IKBIP: variants seen among roughly 807,000 people sequenced by gnomAD.
IKBIP encodes IKBKB interacting protein, also known as inhibitor of nuclear factor kappa-B kinase-interacting protein.
A neutral mutation model predicts 31.0 loss-of-function variants in IKBIP; 28 were observed. The observed-to-expected ratio is 0.90, with a 90% CI of 0.67 to 1.24. The LOEUF (loss-of-function observed/expected upper bound fraction) is 1.24. Among genes scored for constraint, IKBIP ranks in the 50% most tolerant of loss-of-function variants. IKBIP has a pLI of 0.00. For synonymous variants in IKBIP, 164 were observed against 160.3 expected (o/e 1.02, Z -0.17); for missense variants, 453 against 441.9 (o/e 1.03, Z -0.23).
At chr12:98,618,922 A>G (rs1428584263) in intron 2 of IKBIP, among the ~76,000 whole-genome samples, 1 of 152,254 alleles carries the variant, frequency 6.6e-6, no homozygotes, top group African/African-American at 2.4e-5. Flanking sequence ...CAAAATAATT[A>G]TAATGAAGTA....
At chr12:98,638,425 G>A (rs1423834293) in intron 1 of IKBIP, among the ~76,000 whole-genome samples, 1 of 152,032 alleles carries the variant, frequency 6.6e-6, no homozygotes, top group Non-Finnish European at 1.5e-5. Context: ...GGGAACACAG[G>A]CGTGTGCCAT....
At chr12:98,629,197 T>G (rs1200201894) in intron 2 of IKBIP, among the ~76,000 whole-genome samples, 2 of 152,154 alleles carry the variant, frequency 1.3e-5, no homozygotes, top group Admixed American at 6.6e-5. Flanking sequence ...AATCAAGACT[T>G]AAAGAGTATG....
intron 2 of IKBIP, 133 bp downstream of exon 2, chr12:98,634,148 GAGAATGTCAAGAGGT>G (rs1189805955): frequency 3.8e-6 from 2 of 521,006 alleles, no homozygotes; most frequent in Non-Finnish European, 6.8e-6. Flanking sequence ...GGCTCAGAGG[GAGAATGTCAAGAGGT>G]AGGAAGATCA....
chr12:98,622,621 GT>G (rs76567553), downstream of IKBIP, among the ~76,000 whole-genome samples: 579 of 142,336 alleles, frequency 4.1e-3, 5 homozygotes, highest in African/African-American at 0.013. Context: ...TACAAAGGAT[GT>G]TTTTTTTTTT....
downstream of IKBIP, among the ~76,000 whole-genome samples, chr12:98,620,857 T>A (rs545216284): frequency 4.0e-4 from 61 of 151,500 alleles, no homozygotes; most frequent in South Asian, 3.1e-3. Context: ...TACTTTTTTT[T>A]ATATTAAAAA....
In IKBIP at chr12:98,626,593, AT is replaced by A; in HGVS notation, c.470del (p.Asp157ValfsTer7). ...TTTCTTCTAGGCTTCTCTTCCAGAA[AT>A]CCGTAATATTCTGAAATTTCTCATT... is the stretch of plus-strand genomic sequence containing the variant. ...SLNEKFQNIT[D>X]FWKRSLEEMN... is the part of the protein sequence containing the mutation. On this transcript the variant is annotated frameshift_variant, in exon 3 of 3. Coordinates refer to ENST00000299157, the MANE Select transcript of IKBIP (RefSeq NM_153687.4). LOFTEE classifies it high-confidence loss of function. 2 of 1,613,606 alleles carry A rather than the reference AT, an allele frequency of 1.2e-6. No homozygotes were observed. The highest frequency in any genetic ancestry group is 2.2e-5 in the South Asian group (2 of 91,044).
chr12:98,620,833 G>C (rs2097609546), downstream of IKBIP, among the ~76,000 whole-genome samples: 1 of 151,936 alleles, frequency 6.6e-6, no homozygotes. Flanking sequence ...GCAACATAGA[G>C]AGACCCTCAC....
chr12:98,617,480 A>C (rs2097606915), intron 2 of IKBIP, among the ~76,000 whole-genome samples: 1 of 152,208 alleles, frequency 6.6e-6, no homozygotes, highest in South Asian at 2.1e-4. Flanking sequence ...GTGCGTGCCT[A>C]TATAGCAGTG....
intron 2 of IKBIP, among the ~76,000 whole-genome samples, chr12:98,617,772 G>A (rs540762649): frequency 3.2e-4 from 49 of 152,266 alleles, no homozygotes; most frequent in Non-Finnish European, 5.9e-4. Context: ...TTGCTAATGC[G>A]TATGCCCAAA....
Position 98,625,991 on chromosome 12 carries a change from C to T in IKBIP, c.1073G>A (p.Gly358Glu). 6.7e-7 allele frequency: 1 copy of T among 1,492,332 alleles called. No individual in the cohort carries two copies. 92.4% of individuals were successfully genotyped at this position (1,492,332 alleles called of 1,614,324 possible). The change falls in exon 3 of 3, where the codon GGA becomes GAA. Residue 358 changes from glycine (G) to glutamate (E), a missense_variant. Coordinates refer to ENST00000299157, the MANE Select transcript of IKBIP (RefSeq NM_153687.4). The part of the protein sequence containing the change: ...VHDFIAYSST[G>E]EKGTLKEYNI... ...ATATTCTTTTAAAGTTCCCTTTTCTCCTGTACTTGAGTATGCTATAAAATC... is the reference window on the plus strand; with the variant it reads ...ATATTCTTTTAAAGTTCCCTTTTCTTCTGTACTTGAGTATGCTATAAAATC...
intron 2 of IKBIP, among the ~76,000 whole-genome samples, chr12:98,629,945 A>T (rs967576566): frequency 5.3e-5 from 8 of 152,148 alleles, no homozygotes; most frequent in South Asian, 4.1e-4. Context: ...TACTAAAAAA[A>T]TTTTTTTTGT....
chr12:98,614,269 C>T (rs1294357468), exon 3 of IKBIP: 41 of 1,610,060 alleles, frequency 2.5e-5, no homozygotes, highest in Non-Finnish European at 3.3e-5. Context: ...TAATTTCTTC[C>T]TGTAGACGCT....
intron 2 of IKBIP, among the ~76,000 whole-genome samples, chr12:98,615,309 T>G (rs2097605655): frequency 6.6e-6 from 1 of 152,110 alleles, no homozygotes; most frequent in South Asian, 2.1e-4. Flanking sequence ...CTCTGCTGAC[T>G]GCAACCTCTA....
intron 1 of IKBIP, among the ~76,000 whole-genome samples, chr12:98,643,812 G>GTTTTCTTTTTTTTTTTTTTTTGC (rs2097633839): frequency 7.6e-6 from 1 of 131,106 alleles, no homozygotes; most frequent in Non-Finnish European, 1.6e-5. Context: ...TAATGATATG[G>GTTTTCTTTTTTTTTTTTTTTTGC]TTTTCTTTTT....
Position 98,625,981 on chromosome 12 carries a change from T to C in IKBIP, c.1083A>G (p.Gly361=). The change falls in exon 3 of 3, where the codon GGA becomes GGG. Residue 361 remains glycine (G), a synonymous_variant. Coordinates refer to ENST00000299157, the MANE Select transcript of IKBIP (RefSeq NM_153687.4). ...FIAYSSTGEK[G]TLKEYNIENK... ...TTTCTATATTATATTCTTTTAAAGT[T>C]CCCTTTTCTCCTGTACTTGAGTATG... The C allele has an allele frequency of 6.8e-7, 1 of 1,466,468 alleles. No homozygotes were observed. Among genetic ancestry groups the C allele is most frequent in the Non-Finnish European group, 9.1e-7 (1 of 1,094,628 alleles). 90.8% of individuals were successfully genotyped at this position (1,466,468 alleles called of 1,614,324 possible). A position where few individuals can be genotyped will look rare whatever the true frequency, so the allele number is the denominator to read the frequency against.
Position 98,626,074 on chromosome 12 carries a change from A to G in IKBIP, c.990T>C (p.Tyr330=). The G allele has an allele frequency of 1.9e-6, 3 of 1,599,514 alleles. No homozygotes were observed. Among genetic ancestry groups the G allele is most frequent in the Non-Finnish European group, 2.6e-6 (3 of 1,172,558 alleles). The change falls in exon 3 of 3, where the codon TAT becomes TAC. Residue 330 remains tyrosine (Y), a synonymous_variant. Transcript: ENST00000299157. ...EMQKTLEGIQ[Y]DNSILKMQNE... is the part of the protein sequence containing the mutation. ...TTTGCATCTTTAATATGCTATTATCATACTGAATTCCTTCAAGGGTTTTCT... is the reference window on the plus strand; with the variant it reads ...TTTGCATCTTTAATATGCTATTATCGTACTGAATTCCTTCAAGGGTTTTCT...
intron 1 of IKBIP, among the ~76,000 whole-genome samples, chr12:98,641,134 T>C (rs1305010184): frequency 6.6e-6 from 1 of 152,212 alleles, no homozygotes; most frequent in Non-Finnish European, 1.5e-5. Context: ...TTATTTCTCT[T>C]TTCTTTCCAC....
rs71081871 is a variant in IKBIP at position 98,632,483 on chromosome 12, G to GAA, written c.297+1811_297+1812dup. Among the ~76,000 whole-genome samples, 65 of 11,566 alleles carry GAA rather than the reference G, an allele frequency of 5.6e-3. 21 individuals are homozygous for GAA. The highest frequency in any genetic ancestry group is 5.5e-3 in the Non-Finnish European group (39 of 7,052). 7.6% of individuals were successfully genotyped at this position (11,566 alleles called of 152,430 possible). ...GGGATGACAGGGAGAGACTCTATCTGAAAAAAAAAAAAAAAAAAAAAAAAA... is the reference window on the plus strand; with the variant it reads ...GGGATGACAGGGAGAGACTCTATCTGAAAAAAAAAAAAAAAAAAAAAAAAAAA... On this transcript the variant is annotated intron_variant, in intron 2 of 2. Transcript: ENST00000299157.
At chr12:98,616,772 T>G (rs1252356589) in intron 2 of IKBIP, among the ~76,000 whole-genome samples, 2 of 152,238 alleles carry the variant, frequency 1.3e-5, no homozygotes, top group East Asian at 3.8e-4. Context: ...CTTGGCAACT[T>G]GGATGAGAAT....
Sources: gnomAD v4.1 joint callset for allele counts (sites outside exome capture counted in the v4.1 genomes callset) on GRCh38, gnomAD v4.1.1 for gene constraint, MANE v1.5 for transcripts, NCBI Gene and HGNC (gene_info 2026-07-23, HGNC 2026-07-21) for gene names.